Variants in XPA observed in about 807,000 individuals in gnomAD.
XPA encodes the protein DNA repair protein complementing XP-A cells.
Under a neutral mutation model 35.7 loss-of-function variants are expected in XPA, and 27 were observed. That is an observed-to-expected ratio of 0.76 (90% confidence interval 0.56 to 1.04). XPA has a LOEUF of 1.04. XPA is among the 50% of genes least tolerant of loss of function. The pLI is 0.00. For missense variants in XPA, 354 were observed against 342.7 expected, an observed-to-expected ratio of 1.03 and a Z score of -0.26; for synonymous variants, 133 against 118.4, an observed-to-expected ratio of 1.12 and a Z score of -0.80.
chr9:97,657,924 ATATTTTT>A, the XPA span, among the ~76,000 whole-genome samples: 1 of 119,502 alleles, frequency 8.4e-6, no homozygotes, highest in African/African-American at 3.5e-5. Context: ...ATATATATAT[ATATTTTT>A]TTTTTTTTTT....
At chr9:97,668,772 A>G in the XPA span, 1 of 1,506,896 alleles carries the variant, frequency 6.6e-7, no homozygotes, top group Non-Finnish European at 8.9e-7. Context: ...ACACAGTAAA[A>G]TGCTTCCCCT....
intron 5 of XPA, among the ~76,000 whole-genome samples, chr9:97,676,309 A>G (rs1828363837): frequency 6.6e-6 from 1 of 152,230 alleles, no homozygotes; most frequent in African/African-American, 2.4e-5. Flanking sequence ...TAATGTTTGG[A>G]GCTTTTTCTG....
chr9:97,675,704 C>T, intron 5 of XPA, 117 bp from the exon 6 acceptor site: 2 of 1,237,810 alleles, frequency 1.6e-6, no homozygotes, highest in Non-Finnish European at 2.3e-6. Flanking sequence ...GTATTTAAAC[C>T]ATATATAGTT....
intron 2 of XPA, among the ~76,000 whole-genome samples, chr9:97,690,542 C>CA (rs772634441): frequency 6.6e-6 from 1 of 152,112 alleles, no homozygotes; most frequent in Non-Finnish European, 1.5e-5. Context: ...CACGCACCAC[C>CA]ATGCCCAGTT....
In XPA at chr9:97,697,174, T is replaced by G; in HGVS notation, c.119A>C (p.Gln40Pro). 2 of 1,587,866 alleles carry G rather than the reference T, an allele frequency of 1.3e-6. No individual in the cohort carries two copies. The highest frequency in any genetic ancestry group is 1.7e-6 in the Non-Finnish European group (2 of 1,171,254). The part of the protein sequence containing the change: ...RKRQRALMLR[Q>P]ARLAARPYSA... Reference sequence around the variant, plus strand: ...GTAGGGCCGGGCAGCCAGCCGGGCCTGGCGCAGCATCAGTGCCCGCTGCCG... The same window carrying G: ...GTAGGGCCGGGCAGCCAGCCGGGCCGGGCGCAGCATCAGTGCCCGCTGCCG... The change falls in exon 1 of 6, where the codon CAG becomes CCG. Residue 40 changes from glutamine to proline, a missense_variant. Physicochemically the swap from Gln to Pro is moderately conservative, Grantham distance 76. Coordinates refer to ENST00000375128, the MANE Select transcript of XPA (RefSeq NM_000380.4).
At chr9:97,679,331 G>A (rs2131384877) in intron 5 of XPA, among the ~76,000 whole-genome samples, 1 of 152,230 alleles carries the variant, frequency 6.6e-6, no homozygotes, top group East Asian at 1.9e-4. Context: ...TAGGTAATCT[G>A]GAAAAAGGAT....
At chr9:97,689,908 A>T (rs1052533786) in intron 2 of XPA, among the ~76,000 whole-genome samples, 5 of 152,238 alleles carry the variant, frequency 3.3e-5, no homozygotes, top group Non-Finnish European at 5.9e-5. Context: ...TACATTAGTT[A>T]TAAGAAACTA....
the XPA span, chr9:97,660,804 A>G: frequency 4.1e-6 from 4 of 977,736 alleles, no homozygotes; most frequent in African/African-American, 4.9e-5. Context: ...TTTATATGTG[A>G]TTAAATATTG....
the XPA span, chr9:97,662,225 G>C: frequency 3.9e-5 from 41 of 1,045,226 alleles, no homozygotes; most frequent in Non-Finnish European, 5.6e-5. Flanking sequence ...TTTTACCTAA[G>C]ATTGTTGAAT....
downstream of XPA, chr9:97,674,800 A>C (rs549946157): frequency 2.6e-6 from 1 of 384,984 alleles, no homozygotes; most frequent in African/African-American, 2.1e-5. Flanking sequence ...CAACAATCAG[A>C]TAGTCAACCA....
the XPA span, chr9:97,662,966 C>T: frequency 1.9e-6 from 3 of 1,612,000 alleles, no homozygotes; most frequent in South Asian, 1.1e-5. Context: ...TTCATGAAGT[C>T]TTCAAAACCC....
chr9:97,661,449 G>C, the XPA span, among the ~76,000 whole-genome samples: 1 of 152,158 alleles, frequency 6.6e-6, no homozygotes, highest in Non-Finnish European at 1.5e-5. Context: ...TATATACCAT[G>C]TAATTCCAAC....
chr9:97,696,520 C>A lies in XPA; in HGVS notation c.172+601G>T, dbSNP rs1211712428. ...GATTAGAATCTTAAAGGTTTACTAT[C>A]CAGTCCCTTCTTCTGATTGCTGAGT... On this transcript the variant is annotated intron_variant, in intron 1 of 5. Transcript: ENST00000375128. Among the ~76,000 whole-genome samples the A allele has an allele frequency of 3.3e-5, 5 of 152,274 alleles. No homozygotes were observed. The East Asian group carries it at 9.6e-4, about 29-fold the overall frequency.
chr9:97,660,863 A>G, the XPA span: 2 of 1,465,788 alleles, frequency 1.4e-6, no homozygotes, highest in Non-Finnish European at 1.8e-6. Flanking sequence ...TTTAAAAAAA[A>G]TTTTTCTCAG....
the XPA span, chr9:97,662,898 C>T: frequency 2.3e-6 from 3 of 1,320,566 alleles, no homozygotes; most frequent in Non-Finnish European, 3.2e-6. Flanking sequence ...TTTGAAAACA[C>T]TAAAATGTTT....
the XPA span, chr9:97,669,879 T>C: frequency 1.5e-6 from 1 of 685,626 alleles, no homozygotes; most frequent in African/African-American, 1.8e-5. Flanking sequence ...TTAAACTGAT[T>C]CTGTACCACT....
the XPA span, chr9:97,658,761 TC>T: frequency 6.5e-7 from 1 of 1,526,922 alleles, no homozygotes; most frequent in Admixed American, 1.7e-5. Context: ...ATGAAACTAA[TC>T]CCTCTGTCTT....
chr9:97,655,633 T>C, the XPA span: 106 of 1,305,264 alleles, frequency 8.1e-5, no homozygotes, highest in Non-Finnish European at 9.6e-5. Flanking sequence ...TGAAGGCTTA[T>C]ATAAGTTTCT....
Position 97,684,940 on chromosome 9 carries a change from A to G in XPA, c.656T>C (p.Phe219Ser), listed in dbSNP as rs768658649. 4.3e-6 allele frequency: 7 copies of G among 1,613,294 alleles called. No individual in the cohort carries two copies. In the South Asian group the frequency reaches 5.5e-5, roughly 13 times the overall value. The change falls in exon 5 of 6, where the codon TTT becomes TCT. Residue 219 changes from phenylalanine to serine, a missense_variant. Coordinates refer to ENST00000375128, the MANE Select transcript of XPA (RefSeq NM_000380.4). ...CCATCTACCTTTTACTTTTTTATCA[A>G]ATTTCTTCTGTTTCATTTTTTCTCG... The part of the protein sequence containing the change: ...ENREKMKQKK[F>S]DKKVKELRRA...
Sources: gnomAD v4.1 joint callset for allele counts (sites outside exome capture counted in the v4.1 genomes callset) on GRCh38, gnomAD v4.1.1 for gene constraint, MANE v1.5 for transcripts, NCBI Gene and HGNC (gene_info 2026-07-23, HGNC 2026-07-21) for gene names.